The following CNKSR1 variants were observed in gnomAD, a reference collection of about 807,000 sequenced individuals.
CNKSR1 encodes the protein connector enhancer of kinase suppressor of Ras 1, also known as CNK homolog protein 1.
A neutral mutation model predicts 95.6 loss-of-function variants in CNKSR1; 88 were observed. That is an observed-to-expected ratio of 0.92 (90% CI 0.78 to 1.10). CNKSR1 has a LOEUF of 1.10. Among genes scored for constraint, CNKSR1 ranks in the 50% least tolerant of loss-of-function variants. The pLI, the probability that CNKSR1 is intolerant of heterozygous loss-of-function variation, is 0.00. For synonymous variants in CNKSR1, 355 were observed against 369.7 expected (o/e 0.96, Z 0.46); for missense variants, 836 against 912.0 (o/e 0.92, Z 1.07).
rs530262613 is a variant in CNKSR1, at chr1:26,184,097, G to A, written c.882G>A (p.Pro294=). Residue 294 remains proline (P), a synonymous_variant, in exon 10 of 21, where the codon CCG becomes CCA. Coordinates refer to ENST00000361530, the MANE Select transcript of CNKSR1 (RefSeq NM_006314.3). ...CGCCCCCTCAGGTCCTGGACTCCCC[G>A]CACCAGAGGAGCCCATCACTGTCTC... The part of the protein sequence containing the change: ...PQTPPQVLDS[P]HQRSPSLSLA... 2.2e-5 allele frequency: 36 copies of A among 1,607,434 alleles called. 1 individual carries two copies. The highest frequency in any genetic ancestry group is 1.0e-4 in the Admixed American group (6 of 59,220).
chr1:26,179,399 G>A (rs1211218673), intron 1 of CNKSR1, among the ~76,000 whole-genome samples: 1 of 152,228 alleles, frequency 6.6e-6, no homozygotes, highest in Non-Finnish European at 1.5e-5. Flanking sequence ...AGCAACGCCA[G>A]CAGGAGGAAT....
At chr1:26,186,858 C>T in intron 14 of CNKSR1, 1 of 363,334 alleles carries the variant, frequency 2.8e-6, no homozygotes, top group Non-Finnish European at 5.2e-6. Flanking sequence ...CTGCCTTGGC[C>T]TCCCAAAGTG....
chr1:26,181,280 C>CA (rs11392737), intron 3 of CNKSR1, among the ~76,000 whole-genome samples: 3,643 of 48,080 alleles, frequency 0.076, 248 homozygotes, highest in African/African-American at 0.19. Flanking sequence ...GACTCCCTCT[C>CA]AAAAAAAAAA....
At chr1:26,184,528 AG>A (rs759361876) in intron 12 of CNKSR1, 21 bp downstream of exon 12, 2 of 1,604,876 alleles carry the variant, frequency 1.2e-6, no homozygotes, top group Non-Finnish European at 1.7e-6. Context: ...GGGCTTAGCA[AG>A]GGGGTGGGTG....
chr1:26,185,240 A>G, intron 14 of CNKSR1, 54 bp downstream of exon 14: 1 of 1,513,410 alleles, frequency 6.6e-7, no homozygotes, highest in African/African-American at 1.4e-5. Context: ...CCAGGCCTCG[A>G]TTCTCATCTC....
rs545535415 is a variant in CNKSR1 at position 26,182,275 on chromosome 1, C to A, written c.478-86C>A. The A allele has an allele frequency of 9.5e-6, 13 of 1,372,140 alleles. No homozygotes were observed. The East Asian group carries it at 2.1e-4, about 22-fold the overall frequency. 85.0% of individuals were successfully genotyped at this position (1,372,140 alleles called of 1,614,324 possible). Reference sequence around the variant, plus strand: ...GTAGGGAAGGCAGGGAGGGACTGTACGGAATCCCACCCTGCCCCCAGGAGA... The same window carrying A: ...GTAGGGAAGGCAGGGAGGGACTGTAAGGAATCCCACCCTGCCCCCAGGAGA... On this transcript the variant is annotated intron_variant, in intron 4 of 20. Transcript: ENST00000361530.
At position 26,180,902 on chromosome 1, in the gene CNKSR1, CG is replaced by C. The variant is rs748278081; in HGVS notation, c.392+9del. 10 of 1,614,114 alleles carry C rather than the reference CG, an allele frequency of 6.2e-6. No individual in the cohort carries two copies. In the East Asian group the frequency reaches 1.8e-4, roughly 29 times the overall value. The stretch of plus-strand genomic sequence containing the variant: ...CTCCTCTTCTGGCTCAGCAGGTACC[CG>C]GGTTGGGGTGACGAGTGAGGGACTA... On this transcript the variant is annotated splice_region_variant and intron_variant, in intron 3 of 20. Transcript: ENST00000361530.
At chr1:26,187,267 G>T (rs561775110) in intron 15 of CNKSR1, 26 bp downstream of exon 15, 4 of 1,603,322 alleles carry the variant, frequency 2.5e-6, no homozygotes, top group Non-Finnish European at 2.6e-6. Flanking sequence ...GTGATGGGCT[G>T]GGGGATGGAG....
chr1:26,184,590 T>C lies in CNKSR1; in HGVS notation c.1113T>C (p.Pro371=). ...PGLPESPDKS[P]VGRKKSKGLA... ...CCCTTCTGCTGTCCTTTCAGAGTCC[T>C]GTTGGTCGGAAGAAATCAAAAGGTA... is the stretch of plus-strand genomic sequence containing the variant. The change falls in exon 13 of 21, where the codon CCT becomes CCC. Residue 371 remains proline (P), a synonymous_variant. Transcript: ENST00000361530. 1 of 1,607,438 alleles carries C rather than the reference T, an allele frequency of 6.2e-7. No homozygotes were observed. The highest frequency in any genetic ancestry group is 8.5e-7 in the Non-Finnish European group (1 of 1,177,216).
In CNKSR1 at chr1:26,184,421, G is replaced by A; in HGVS notation, c.1021G>A (p.Glu341Lys). 6.2e-7 allele frequency: 1 copy of A among 1,613,334 alleles called. No individual in the cohort carries two copies. The highest frequency in any genetic ancestry group is 8.5e-7 in the Non-Finnish European group (1 of 1,179,720). The change falls in exon 12 of 21, where the codon GAG becomes AAG. Residue 341 changes from glutamate to lysine, a missense_variant. By Grantham distance (56) the Glu-to-Lys change is moderately conservative. Transcript: ENST00000361530. ...GACAGACTCTGCCTCCCTTGGCCCT[G>A]AGCCCCTGCCCATCCCCCCGGAACC... ...AWTDSASLGP[E>K]PLPIPPEPPA...
chr1:26,187,519 A>G, intron 16 of CNKSR1, 37 bp downstream of exon 16: 1 of 1,602,364 alleles, frequency 6.2e-7, no homozygotes, highest in Non-Finnish European at 8.5e-7. Flanking sequence ...CTCTCATATG[A>G]TTCCCAAACT....
chr1:26,189,257 T>C (rs748075134), intron 20 of CNKSR1, 22 bp from the exon 21 acceptor site: 12 of 1,613,606 alleles, frequency 7.4e-6, no homozygotes, highest in Non-Finnish European at 1.0e-5. Context: ...TCATGGTCCC[T>C]TAGCCCCTCC....
chr1:26,182,440 C>T (rs376106983), intron 5 of CNKSR1, 38 bp downstream of exon 5: 14 of 1,613,304 alleles, frequency 8.7e-6, no homozygotes, highest in South Asian at 4.4e-5. Context: ...GGGGTAGGGG[C>T]GATCGGGCTC....
intron 6 of CNKSR1, 48 bp from the exon 7 acceptor site, chr1:26,183,149 G>GC (rs2088674905): frequency 6.3e-7 from 1 of 1,582,326 alleles, no homozygotes; most frequent in African/African-American, 1.3e-5. Flanking sequence ...CTGCCTATTG[G>GC]CCCTGTTGCC....
chr1:26,182,197 C>T (rs556123012), intron 4 of CNKSR1, 164 bp from the exon 5 acceptor site: 14 of 756,896 alleles, frequency 1.8e-5, no homozygotes, highest in Middle Eastern at 3.8e-4. Context: ...ATCAGGGAAA[C>T]GAGCCCTCTG....
At position 26,183,902 on chromosome 1, in the gene CNKSR1, C is replaced by G. The variant is rs537352492; in HGVS notation, c.855+72C>G. The G allele has an allele frequency of 2.2e-5, 12 of 534,922 alleles. No individual in the cohort carries two copies. The East Asian group carries it at 3.9e-4, about 17-fold the overall frequency. The allele number at this position is 534,922 out of a possible 1,614,324, so 33.1% of individuals were successfully genotyped here. On this transcript the variant is annotated intron_variant, in intron 9 of 20. Coordinates refer to ENST00000361530, the MANE Select transcript of CNKSR1 (RefSeq NM_006314.3). Reference sequence around the variant, plus strand: ...CACAGGTACCTGCCCCCACCACCCCCACACCTGCCTTCAGACCCCCCCCAA... The same window carrying G: ...CACAGGTACCTGCCCCCACCACCCCGACACCTGCCTTCAGACCCCCCCCAA...
chr1:26,189,628 A>C lies in CNKSR1; in HGVS notation c.*80A>C. 1 of 815,766 alleles carries C rather than the reference A, an allele frequency of 1.2e-6. No individual in the cohort carries two copies. The highest frequency in any genetic ancestry group is 2.2e-6 in the Non-Finnish European group (1 of 450,090). 50.5% of individuals were successfully genotyped at this position (815,766 alleles called of 1,614,324 possible). On this transcript the variant is annotated 3_prime_UTR_variant, in exon 21 of 21. Transcript: ENST00000361530. ...GCTTCTGACGTGTCCAGGACAGAGC[A>C]TCCCTGGATTCTGTTCAGGGTGGGA...
intron 14 of CNKSR1, 173 bp from the exon 15 acceptor site, chr1:26,186,995 A>C: frequency 1.5e-6 from 1 of 649,658 alleles, no homozygotes; most frequent in Non-Finnish European, 2.8e-6. Context: ...CACATCTCCT[A>C]CCCTGACCCC....
intron 13 of CNKSR1, 74 bp downstream of exon 13, chr1:26,184,686 G>T: frequency 6.7e-7 from 1 of 1,502,116 alleles, no homozygotes; most frequent in South Asian, 1.2e-5. Flanking sequence ...TGCTGGGCAA[G>T]ACCACCCCCA....
Sources: allele counts gnomAD v4.1 joint callset (sites outside exome capture counted in the v4.1 genomes callset), GRCh38; gene constraint gnomAD v4.1.1; transcripts MANE v1.5; gene names NCBI Gene and HGNC (gene_info 2026-07-23, HGNC 2026-07-21).